CABLES1: variants seen among roughly 807,000 people sequenced by gnomAD.
CABLES1 encodes the protein CDK5 and ABL1 enzyme substrate 1.
Under a neutral mutation model 57.8 loss-of-function variants are expected in CABLES1, and 36 were observed. The observed-to-expected ratio is 0.62, with a 90% CI of 0.48 to 0.82. The LOEUF is 0.82. CABLES1 is among the 40% of genes least tolerant of loss of function. The pLI is 0.00. For synonymous variants in CABLES1, 374 were observed against 363.0 expected, an observed-to-expected ratio of 1.03 and a Z score of -0.35; for missense variants, 767 against 836.6, an observed-to-expected ratio of 0.92 and a Z score of 1.03.
At chr18:23,198,407 AT>A (rs1328622038) in intron 3 of CABLES1, among the ~76,000 whole-genome samples, 2 of 152,234 alleles carry the variant, frequency 1.3e-5, no homozygotes, top group African/African-American at 4.8e-5. Context: ...AGAAATACAA[AT>A]AATCCTTGAA....
At chr18:23,243,693 C>T (rs1405376111) in intron 7 of CABLES1, among the ~76,000 whole-genome samples, 7 of 151,556 alleles carry the variant, frequency 4.6e-5, no homozygotes, top group Non-Finnish European at 1.0e-4. Context: ...GCCAACATGG[C>T]AAAACCGTCT....
Position 23,258,118 on chromosome 18 carries a change from G to C in CABLES1, c.*751G>C, listed in dbSNP as rs2048210074. 6.6e-6 allele frequency: 1 copy of C among 152,370 alleles called. No individual in the cohort carries two copies. Among genetic ancestry groups the C allele is most frequent in the African/African-American group, 2.4e-5 (1 of 41,456 alleles). 9.4% of individuals were successfully genotyped at this position (152,370 alleles called of 1,614,324 possible). A position where few individuals can be genotyped will look rare whatever the true frequency, so the allele number is the denominator to read the frequency against. On this transcript the variant is annotated 3_prime_UTR_variant, in exon 10 of 10. Coordinates refer to ENST00000256925, the MANE Select transcript of CABLES1 (RefSeq NM_001100619.3). ...CCCACCAAGGGGATAAAGAAGGCGAGTTCTGAGTGTTGGATGAGTCAGTCG... is the reference window on the plus strand; with the variant it reads ...CCCACCAAGGGGATAAAGAAGGCGACTTCTGAGTGTTGGATGAGTCAGTCG...
At chr18:23,246,399 GTTT>G (rs932715035) in intron 7 of CABLES1, among the ~76,000 whole-genome samples, 1 of 148,884 alleles carries the variant, frequency 6.7e-6, no homozygotes, top group African/African-American at 2.5e-5. Flanking sequence ...TTGTTTTTTG[GTTT>G]TTTTTTTGAG....
At chr18:23,188,967 G>T in intron 2 of CABLES1, 58 bp downstream of exon 2, 6 of 1,293,528 alleles carry the variant, frequency 4.6e-6, no homozygotes, top group Non-Finnish European at 6.5e-6. Context: ...GCCAGAGATT[G>T]ATTTTGGTTT....
At chr18:23,147,375 G>C (rs534486492) in intron 1 of CABLES1, among the ~76,000 whole-genome samples, 1 of 152,366 alleles carries the variant, frequency 6.6e-6, no homozygotes, top group African/African-American at 2.4e-5. Flanking sequence ...TGGGGATAAG[G>C]ACTCCAGTAC....
intron 7 of CABLES1, among the ~76,000 whole-genome samples, chr18:23,248,533 T>G (rs2047957878): frequency 7.3e-6 from 1 of 137,110 alleles, no homozygotes; most frequent in Non-Finnish European, 1.6e-5. Context: ...TTTTTTTTTT[T>G]TTTTTAAAAA....
At chr18:23,254,137 A>G (rs1324887320) in intron 9 of CABLES1, among the ~76,000 whole-genome samples, 1 of 152,248 alleles carries the variant, frequency 6.6e-6, no homozygotes, top group East Asian at 1.9e-4. Flanking sequence ...TGACAAGACC[A>G]AAGCTCCTCA....
chr18:23,208,009 C>T (rs749749354), intron 3 of CABLES1, among the ~76,000 whole-genome samples: 2 of 152,194 alleles, frequency 1.3e-5, no homozygotes, highest in Non-Finnish European at 2.9e-5. Flanking sequence ...ATGCCCTGTG[C>T]AGCTCCACAC....
rs147919805 is a variant in CABLES1, at chr18:23,248,740, G to A, written c.1447-4220G>A. On this transcript the variant is annotated intron_variant, in intron 7 of 9. Coordinates refer to ENST00000256925, the MANE Select transcript of CABLES1 (RefSeq NM_001100619.3). ...CTTGGGAGGCTGAGGCAGGAGAATC[G>A]CTTGAACCCAGGAGGCAGGGTGTGC... is the stretch of plus-strand genomic sequence containing the variant. Among the ~76,000 whole-genome samples, 22 of 152,178 alleles carry A rather than the reference G, an allele frequency of 1.4e-4. No individual in the cohort carries two copies. In the East Asian group the frequency reaches 3.1e-3, roughly 21 times the overall value.
At chr18:23,215,817 G>C (rs1279377662) in intron 4 of CABLES1, among the ~76,000 whole-genome samples, 1 of 150,942 alleles carries the variant, frequency 6.6e-6, no homozygotes, top group African/African-American at 2.4e-5. Context: ...GCAGTGGTGC[G>C]ATCTCGGCTC....
At chr18:23,239,727 C>G (rs573979302) in intron 7 of CABLES1, among the ~76,000 whole-genome samples, 4 of 152,196 alleles carry the variant, frequency 2.6e-5, no homozygotes, top group African/African-American at 7.2e-5. Context: ...GCCACAACCC[C>G]TCTTCTCCTC....
chr18:23,237,271 G>T lies in CABLES1; in HGVS notation c.1446+26G>T, dbSNP rs201342490. On this transcript the variant is annotated intron_variant, in intron 7 of 9. Transcript: ENST00000256925. ...GTGAGTAGCGTGGAATGGAGGCTCC[G>T]TTTGCTGCACCGTCAGTTGCCCCAC... 2.0e-6 allele frequency: 3 copies of T among 1,484,188 alleles called. No homozygotes were observed. In the East Asian group the frequency reaches 6.8e-5, roughly 34 times the overall value. 91.9% of individuals were successfully genotyped at this position (1,484,188 alleles called of 1,614,324 possible).
At chr18:23,254,994 A>ATAGGTAAGGCAGGGTT (rs1470471992) in intron 9 of CABLES1, among the ~76,000 whole-genome samples, 1 of 152,158 alleles carries the variant, frequency 6.6e-6, no homozygotes, top group East Asian at 1.9e-4. Context: ...ACAGAAAGGA[A>ATAGGTAAGGCAGGGTT]TAGGTAAGGC....
intron 7 of CABLES1, among the ~76,000 whole-genome samples, chr18:23,242,436 G>A (rs752901744): frequency 2.7e-4 from 41 of 152,268 alleles, no homozygotes; most frequent in Non-Finnish European, 4.4e-4. Context: ...AGGGGAGGGC[G>A]GATGCTTCCA....
chr18:23,214,842 G>C (rs571430914), intron 4 of CABLES1: 1 of 152,262 alleles, frequency 6.6e-6, no homozygotes, highest in African/African-American at 2.4e-5. Context: ...AAGGAGGGCC[G>C]TATGGCCACT....
intron 1 of CABLES1, among the ~76,000 whole-genome samples, chr18:23,170,119 C>T (rs1174188104): frequency 2.6e-5 from 4 of 152,192 alleles, no homozygotes; most frequent in African/African-American, 9.7e-5. Context: ...CCATATCTTC[C>T]ATCCCCCGGC....
At chr18:23,148,169 T>C (rs574622800) in intron 1 of CABLES1, among the ~76,000 whole-genome samples, 2 of 152,040 alleles carry the variant, frequency 1.3e-5, no homozygotes, top group East Asian at 3.9e-4. Flanking sequence ...TTTTGTATGT[T>C]TAGTAGAGAC....
At chr18:23,159,909 G>C (rs2046991590) in intron 1 of CABLES1, among the ~76,000 whole-genome samples, 1 of 150,530 alleles carries the variant, frequency 6.6e-6, no homozygotes. Context: ...TTGTTGGCAA[G>C]TTACACCGTT....
intron 1 of CABLES1, among the ~76,000 whole-genome samples, chr18:23,167,031 G>GAT (rs938892855): frequency 6.6e-6 from 1 of 152,140 alleles, no homozygotes; most frequent in African/African-American, 2.4e-5. Context: ...ACTTAACCAG[G>GAT]ATGAGGGGAA....
Sources: gnomAD v4.1 joint callset for allele counts (sites outside exome capture counted in the v4.1 genomes callset) on GRCh38, gnomAD v4.1.1 for gene constraint, MANE v1.5 for transcripts, NCBI Gene and HGNC (gene_info 2026-07-23, HGNC 2026-07-21) for gene names.